The following CLVS1 variants were observed in gnomAD, a reference collection of about 807,000 sequenced individuals.
CLVS1 encodes the protein clavesin 1.
In CLVS1, 10 loss-of-function variants were observed where a neutral mutation model predicts 33.1. That is an observed-to-expected ratio of 0.30 (90% CI 0.19 to 0.51). CLVS1 has a LOEUF of 0.51. Ranked by LOEUF, CLVS1 falls within the 20% of genes least tolerant of loss-of-function variation. The pLI, the probability that CLVS1 is intolerant of heterozygous loss-of-function variation, is 0.97. For synonymous variants in CLVS1, 163 were observed against 166.1 expected (o/e 0.98, Z 0.14); for missense variants, 343 against 433.4 (o/e 0.79, Z 1.85).
intron 5 of CLVS1, among the ~76,000 whole-genome samples, chr8:61,496,512 T>G (rs763549222): frequency 1.3e-5 from 2 of 152,086 alleles, no homozygotes; most frequent in African/African-American, 4.8e-5. Flanking sequence ...AAGAGAAAAA[T>G]GCACTGGAAA....
intron 2 of CLVS1, among the ~76,000 whole-genome samples, chr8:61,154,757 C>G (rs1483080923): frequency 2.0e-5 from 3 of 152,160 alleles, no homozygotes; most frequent in Non-Finnish European, 4.4e-5. Flanking sequence ...GGAGATCTAT[C>G]TCCTTGAGAA....
intron 2 of CLVS1, among the ~76,000 whole-genome samples, chr8:61,218,645 AAC>A (rs1436336420): frequency 3.3e-5 from 5 of 149,846 alleles, no homozygotes; most frequent in Admixed American, 1.3e-4. Context: ...ATAAAAAAAA[AAC>A]AACAAGGCCA....
intron 2 of CLVS1, among the ~76,000 whole-genome samples, chr8:61,237,367 G>A (rs895968162): frequency 6.6e-6 from 1 of 152,226 alleles, no homozygotes; most frequent in Non-Finnish European, 1.5e-5. Flanking sequence ...AGGATCCCAT[G>A]AGCCCAGGAG....
the CLVS1 span, among the ~76,000 whole-genome samples, chr8:61,037,041 A>G: frequency 1.3e-5 from 2 of 152,314 alleles, no homozygotes; most frequent in African/African-American, 4.8e-5. Flanking sequence ...TGTGACTCAC[A>G]TTTTCAGTAT....
intron 1 of CLVS1, among the ~76,000 whole-genome samples, chr8:61,086,761 C>G (rs866132004): frequency 3.9e-5 from 6 of 152,114 alleles, no homozygotes; most frequent in Non-Finnish European, 7.4e-5. Flanking sequence ...TTGATCCTGT[C>G]TCCTACGGTT....
chr8:61,224,903 G>T (rs1030877462), intron 2 of CLVS1, among the ~76,000 whole-genome samples: 1 of 152,216 alleles, frequency 6.6e-6, no homozygotes, highest in African/African-American at 2.4e-5. Flanking sequence ...AATAATGGGA[G>T]AATTTCTAAC....
intron 2 of CLVS1, among the ~76,000 whole-genome samples, chr8:61,343,014 G>C (rs1812078990): frequency 6.6e-6 from 1 of 152,182 alleles, no homozygotes; most frequent in Admixed American, 6.5e-5. Context: ...CCTGTTTTCA[G>C]GTATTAACAT....
chr8:61,121,145 G>C (rs1036130209), intron 1 of CLVS1, among the ~76,000 whole-genome samples: 1 of 151,854 alleles, frequency 6.6e-6, no homozygotes, highest in East Asian at 1.9e-4. Flanking sequence ...TCCAGGTGCC[G>C]TCAGTCACCC....
chr8:61,347,868 C>T (rs1812285337), intron 2 of CLVS1, among the ~76,000 whole-genome samples: 1 of 151,358 alleles, frequency 6.6e-6, no homozygotes. Context: ...TCCATAATGG[C>T]TGTACCAATT....
At chr8:61,077,444 T>TTAG (rs1804937552) in intron 1 of CLVS1, among the ~76,000 whole-genome samples, 1 of 4,656 alleles carries the variant, frequency 2.1e-4, no homozygotes, top group South Asian at 0.012. Flanking sequence ...TCTAAAAGTA[T>TTAG]TATTATTATT....
At chr8:61,207,319 T>C (rs1807872493) in intron 2 of CLVS1, among the ~76,000 whole-genome samples, 1 of 151,790 alleles carries the variant, frequency 6.6e-6, no homozygotes, top group African/African-American at 2.4e-5. Context: ...CAGAGGTGCA[T>C]GGGCTCCAGG....
At chr8:61,376,565 T>A in intron 2 of CLVS1, 40 bp from the exon 3 acceptor site, 1 of 1,592,108 alleles carries the variant, frequency 6.3e-7, no homozygotes, top group East Asian at 2.2e-5. Flanking sequence ...TATCACCTGC[T>A]CATATTCACA....
chr8:61,193,520 A>T (rs1336015209), intron 2 of CLVS1, among the ~76,000 whole-genome samples: 1 of 36,496 alleles, frequency 2.7e-5, no homozygotes, highest in Non-Finnish European at 8.5e-5. Context: ...AAGTATAATA[A>T]AAAAAAAAGA....
At chr8:60,987,146 C>G in the CLVS1 span, among the ~76,000 whole-genome samples, 4 of 152,130 alleles carry the variant, frequency 2.6e-5, no homozygotes, top group African/African-American at 9.7e-5. Context: ...ACGTGATGAG[C>G]GCTGTGATAG....
At chr8:61,365,431 G>T (rs565397477) in intron 2 of CLVS1, among the ~76,000 whole-genome samples, 2 of 152,176 alleles carry the variant, frequency 1.3e-5, no homozygotes, top group South Asian at 4.1e-4. Flanking sequence ...GGAGGCTGAG[G>T]CAGGAGAATA....
intron 2 of CLVS1, among the ~76,000 whole-genome samples, chr8:61,184,802 A>G (rs115785278): frequency 0.026 from 3,981 of 152,314 alleles, 162 homozygotes; most frequent in African/African-American, 0.09. Context: ...GTTAGAATAA[A>G]TAGATCCCTA....
At chr8:61,047,837 A>T in the CLVS1 span, among the ~76,000 whole-genome samples, 4 of 152,154 alleles carry the variant, frequency 2.6e-5, no homozygotes, top group African/African-American at 9.7e-5. Flanking sequence ...GATATACCTA[A>T]TGCTAAATGA....
Position 61,147,802 on chromosome 8 carries a change from T to C in CLVS1, c.-152+15942T>C, listed in dbSNP as rs112822081. 8.6e-3 allele frequency among the ~76,000 whole-genome samples: 1,313 copies of C among 152,328 alleles called. 25 individuals are homozygous for C. Among genetic ancestry groups the C allele is most frequent in the African/African-American group, 0.029 (1,203 of 41,560 alleles). On this transcript the variant is annotated intron_variant, in intron 2 of 2. Coordinates refer to the CLVS1 transcript ENST00000522621. ...AGTGAGTCTGTTATGGTTTATACAT[T>C]TTTAAGTCTCTGGCCAAACTGGGTT...
At chr8:61,417,695 G>A (rs1388137260) in intron 3 of CLVS1, among the ~76,000 whole-genome samples, 1 of 152,132 alleles carries the variant, frequency 6.6e-6, no homozygotes, top group African/African-American at 2.4e-5. Context: ...TTCCAACTAG[G>A]TACTCACAAT....
Sources: allele counts gnomAD v4.1 joint callset (sites outside exome capture counted in the v4.1 genomes callset), GRCh38; gene constraint gnomAD v4.1.1; transcripts MANE v1.5; gene names NCBI Gene and HGNC (gene_info 2026-07-23, HGNC 2026-07-21).